Variants in RCL1 observed in about 807,000 individuals in gnomAD.
RCL1 encodes RNA terminal phosphate cyclase like 1.
RCL1 carries 24 observed loss-of-function variants against 42.4 expected under a neutral mutation model. The ratio of observed to expected loss-of-function variants is 0.57; its 90% CI spans 0.41 to 0.80. RCL1 has a LOEUF of 0.80. Among genes scored for constraint, RCL1 ranks in the 30% least tolerant of loss-of-function variants. The pLI is 0.00. For synonymous variants in RCL1, 228 were observed against 177.3 expected, an observed-to-expected ratio of 1.29 and a Z score of -2.27; for missense variants, 578 against 467.9, an observed-to-expected ratio of 1.24 and a Z score of -2.17.
intron 1 of RCL1, chr9:4,804,199 G>T: frequency 6.5e-6 from 1 of 152,918 alleles, no homozygotes. Context: ...AGCAGCACAG[G>T]GTGACAGTCC....
intron 1 of RCL1, among the ~76,000 whole-genome samples, chr9:4,797,891 C>G (rs963754732): frequency 1.3e-5 from 2 of 152,160 alleles, no homozygotes; most frequent in African/African-American, 4.8e-5. Context: ...GAAGGATGGT[C>G]CCGGGCTGGT....
chr9:4,839,862 A>G (rs1817255626), intron 5 of RCL1: 6 of 985,506 alleles, frequency 6.1e-6, no homozygotes, highest in Non-Finnish European at 7.2e-6. Flanking sequence ...GATGTATGGT[A>G]AGTTCAAGTG....
chr9:4,846,019 T>A (rs549265294), intron 7 of RCL1, among the ~76,000 whole-genome samples: 1 of 152,340 alleles, frequency 6.6e-6, no homozygotes, highest in African/African-American at 2.4e-5. Flanking sequence ...TAATTCTTCC[T>A]TTTGCCACTG....
chr9:4,809,951 G>A (rs1587699750), intron 1 of RCL1, among the ~76,000 whole-genome samples: 1 of 152,168 alleles, frequency 6.6e-6, no homozygotes, highest in South Asian at 2.1e-4. Context: ...CAAGTAGCTG[G>A]GATTACAGAT....
chr9:4,831,756 T>C (rs747897395), intron 3 of RCL1, among the ~76,000 whole-genome samples: 14 of 152,232 alleles, frequency 9.2e-5, no homozygotes, highest in Non-Finnish European at 1.8e-4. Context: ...TGATCCATTC[T>C]AAGCATGTTC....
In RCL1 at chr9:4,829,202, G is replaced by T. The variant is rs1816869113; in HGVS notation, c.384+2169G>T. Among the ~76,000 whole-genome samples, 3 of 152,166 alleles carry T rather than the reference G, an allele frequency of 2.0e-5. No homozygotes were observed. The South Asian group carries it at 6.2e-4, about 31-fold the overall frequency. On this transcript the variant is annotated intron_variant, in intron 3 of 8. Coordinates refer to ENST00000381750, the MANE Select transcript of RCL1 (RefSeq NM_005772.5). ...GTGTTAGAGAGCGTTTCTTGAGGAG[G>T]GAAAATCAGAATCAGTCTGGGTTTT...
rs143996516 is a variant in RCL1, at chr9:4,833,202, A to C, written c.433A>C (p.Ile145Leu). The C allele has an allele frequency of 1.0e-4, 167 of 1,612,980 alleles. No individual in the cohort carries two copies. Among genetic ancestry groups the C allele is most frequent in the Non-Finnish European group, 1.3e-4 (156 of 1,178,946 alleles). The stretch of plus-strand genomic sequence containing the variant: ...ACTCCCTTTGTTGAAACAATTTGGG[A>C]TTGATGGTGAATCATTTGAACTGAA... ...TALPLLKQFG[I>L]DGESFELKIV... The change falls in exon 4 of 9, where the codon ATT becomes CTT. Residue 145 changes from isoleucine to leucine, a missense_variant. By Grantham distance (5) the Ile-to-Leu change is conservative. Transcript: ENST00000381750.
At chr9:4,801,952 C>T (rs1303829591) in intron 1 of RCL1, among the ~76,000 whole-genome samples, 2 of 151,790 alleles carry the variant, frequency 1.3e-5, no homozygotes, top group Non-Finnish European at 2.9e-5. Context: ...CGCTCTGTTG[C>T]CGCTGGAGTG....
chr9:4,800,368 C>G (rs1157229306), intron 1 of RCL1, among the ~76,000 whole-genome samples: 1 of 152,050 alleles, frequency 6.6e-6, no homozygotes, highest in Non-Finnish European at 1.5e-5. Flanking sequence ...GCACCCACCA[C>G]CATGCCCAGA....
intron 1 of RCL1, among the ~76,000 whole-genome samples, chr9:4,795,123 G>T (rs902371230): frequency 6.6e-6 from 1 of 151,992 alleles, no homozygotes; most frequent in African/African-American, 2.4e-5. Context: ...TGTCTCCCAG[G>T]CTGGAGTGCC....
chr9:4,830,798 C>CT (rs1304343901), intron 3 of RCL1, among the ~76,000 whole-genome samples: 1 of 151,988 alleles, frequency 6.6e-6, no homozygotes, highest in Non-Finnish European at 1.5e-5. Flanking sequence ...TCTCTTTTTT[C>CT]TTTTTTTAGC....
chr9:4,819,966 AC>A (rs932529057), intron 1 of RCL1, among the ~76,000 whole-genome samples: 13 of 151,856 alleles, frequency 8.6e-5, no homozygotes, highest in East Asian at 5.8e-4. Flanking sequence ...CACCTTTGTG[AC>A]CCCCCCATCC....
chr9:4,846,051 G>A (rs895299468), intron 7 of RCL1, among the ~76,000 whole-genome samples: 3 of 152,268 alleles, frequency 2.0e-5, no homozygotes, highest in Non-Finnish European at 4.4e-5. Context: ...TAATCAGGGT[G>A]GTAGGGTAAA....
At chr9:4,832,618 G>A (rs7873670) in intron 3 of RCL1, among the ~76,000 whole-genome samples, 34,753 of 151,626 alleles carry the variant, frequency 0.23, 4,154 homozygotes, top group South Asian at 0.36. Context: ...GACCATCCTG[G>A]CCAACATGGT....
At chr9:4,846,344 T>C (rs1012385786) in intron 7 of RCL1, among the ~76,000 whole-genome samples, 9 of 152,238 alleles carry the variant, frequency 5.9e-5, no homozygotes, top group African/African-American at 1.9e-4. Flanking sequence ...TGGGAAATAG[T>C]AGAAGAAGGA....
At chr9:4,854,726 G>A (rs1012160887) in intron 8 of RCL1, among the ~76,000 whole-genome samples, 4 of 152,110 alleles carry the variant, frequency 2.6e-5, no homozygotes, top group African/African-American at 7.2e-5. Flanking sequence ...CTTTCCTGTT[G>A]ACCAGCAGTG....
intron 3 of RCL1, among the ~76,000 whole-genome samples, chr9:4,827,783 A>G (rs923233320): frequency 9.4e-4 from 108 of 115,060 alleles, no homozygotes; most frequent in African/African-American, 2.7e-3. Flanking sequence ...TGTGTGTGAG[A>G]GAGAGAGAGA....
chr9:4,827,287 C>A, intron 3 of RCL1: 2 of 1,281,202 alleles, frequency 1.6e-6, no homozygotes, highest in Non-Finnish European at 2.1e-6. Flanking sequence ...AAAACAGATG[C>A]TCTCCGTCTC....
At chr9:4,817,588 C>G (rs1360871859) in intron 1 of RCL1, among the ~76,000 whole-genome samples, 1 of 151,918 alleles carries the variant, frequency 6.6e-6, no homozygotes, top group Non-Finnish European at 1.5e-5. Context: ...ATCCTCCTGC[C>G]TCAGCTCTAC....
Sources: allele counts gnomAD v4.1 joint callset (sites outside exome capture counted in the v4.1 genomes callset), GRCh38; gene constraint gnomAD v4.1.1; transcripts MANE v1.5; gene names NCBI Gene and HGNC (gene_info 2026-07-23, HGNC 2026-07-21).